The following IFT140 variants were observed in gnomAD, a reference collection of about 807,000 sequenced individuals.
IFT140 encodes the protein intraflagellar transport protein 140 homolog.
Under a neutral mutation model 164.6 loss-of-function variants are expected in IFT140, and 133 were observed. The ratio of observed to expected loss-of-function variants is 0.81; its 90% CI spans 0.70 to 0.93. The LOEUF (loss-of-function observed/expected upper bound fraction) is 0.93, where lower values mean the gene tolerates loss of function less well. IFT140 is among the 40% of genes least tolerant of loss of function. IFT140 has a pLI of 0.00. For synonymous variants in IFT140, 860 were observed against 817.3 expected (o/e 1.05, Z -0.89); for missense variants, 2,045 against 1,972.3 (o/e 1.04, Z -0.70).
At chr16:1,563,961 G>A (rs747018771) in intron 17 of IFT140, 36 bp downstream of exon 17, 2 of 1,516,972 alleles carry the variant, frequency 1.3e-6, no homozygotes, top group Admixed American at 3.8e-5. Flanking sequence ...TGGCCACTGA[G>A]TGTGTCTAAA....
In IFT140 at chr16:1,554,665, C is replaced by A. The variant is rs2032944874; in HGVS notation, c.2399+3270G>T. The A allele has an allele frequency of 6.3e-6, 9 of 1,435,498 alleles. No individual in the cohort carries two copies. In the South Asian group the frequency reaches 1.2e-4, roughly 19 times the overall value. The allele number at this position is 1,435,498 out of a possible 1,614,324, so 88.9% of individuals were successfully genotyped here. A position where few individuals can be genotyped will look rare whatever the true frequency, so the allele number is the denominator to read the frequency against. On this transcript the variant is annotated intron_variant, in intron 19 of 30. Transcript: ENST00000426508. ...AAGCAGGCTGGAACCCGCTCTAGGA[C>A]AGAGGGCTGGGGAAGGATAAAGCAG...
In IFT140 at chr16:1,592,755, C is replaced by T. The variant is rs144981759; in HGVS notation, c.370-167G>A. Among the ~76,000 whole-genome samples the T allele has an allele frequency of 9.6e-3, 1,194 of 125,016 alleles. 19 individuals are homozygous for T. Among genetic ancestry groups the T allele is most frequent in the African/African-American group, 0.034 (1,109 of 33,100 alleles). The allele number at this position is 125,016 out of a possible 152,430, so 82.0% of individuals were successfully genotyped here. A position where few individuals can be genotyped will look rare whatever the true frequency, so the allele number is the denominator to read the frequency against. On this transcript the variant is annotated intron_variant, in intron 4 of 30. Transcript: ENST00000426508. The stretch of plus-strand genomic sequence containing the variant: ...GTGACTGGTGGAGGGACAGGTGTCC[C>T]GGCAGAGTGACTGGTGGAGGGACAG...
rs74480393 is a variant in IFT140, at chr16:1,520,549, C to T, written c.3660+53G>A. On this transcript the variant is annotated intron_variant, in intron 27 of 30. Transcript: ENST00000426508. ...CAAATGGAGATGCGTGCAGGGGGCC[C>T]GCAGCCTAACTGCCTGTGAGGTAGC... 4.0e-3 allele frequency: 6,053 copies of T among 1,510,940 alleles called. 15 individuals are homozygous for T. Among genetic ancestry groups the T allele is most frequent in the Middle Eastern group, 0.011 (51 of 4,466 alleles). 93.6% of individuals were successfully genotyped at this position (1,510,940 alleles called of 1,614,324 possible).
chr16:1,554,039 C>T, intron 19 of IFT140: 1 of 1,287,176 alleles, frequency 7.8e-7, no homozygotes, highest in Non-Finnish European at 1.0e-6. Context: ...TGGTTTCAGG[C>T]TCTGGAAAGA....
chr16:1,583,192 G>T, intron 12 of IFT140, 122 bp downstream of exon 12: 1 of 851,924 alleles, frequency 1.2e-6, no homozygotes, highest in Non-Finnish European at 2.0e-6. Flanking sequence ...GCAGGCAGTA[G>T]CACAAGGGTC....
chr16:1,602,631 G>A lies in IFT140; in HGVS notation c.148-40C>T, dbSNP rs1257383188. 14 of 1,574,730 alleles carry A rather than the reference G, an allele frequency of 8.9e-6. No homozygotes were observed. The Admixed American group carries it at 1.2e-4, about 13-fold the overall frequency. ...AGGCAAATTCCCACAGTTCAGAGAG[G>A]GACAGCTACTTTTAAGAACTTCTGT... On this transcript the variant is annotated intron_variant, in intron 3 of 30. Transcript: ENST00000426508.
At position 1,526,660 on chromosome 16, in the gene IFT140, C is replaced by T. The variant is rs896477215; in HGVS notation, c.2536G>A (p.Glu846Lys). ...GTGGCCAGCACGGCCACGCGGGCCT[C>T]TAGCTCCGGCTCCTGCTCCGCCTCA... ...LREAEQEPEL[E>K]ARVAVLATQL... Residue 846 changes from glutamate (E) to lysine (K), a missense_variant, in exon 20 of 31, where the codon GAG becomes AAG. By Grantham distance (56) the Glu-to-Lys change is moderately conservative (BLOSUM62 1). Transcript: ENST00000426508. The T allele has an allele frequency of 6.3e-7, 1 of 1,594,756 alleles. No homozygotes were observed. Among genetic ancestry groups the T allele is most frequent in the Non-Finnish European group, 8.5e-7 (1 of 1,175,038 alleles).
Position 1,511,168 on chromosome 16 carries a change from A to C in IFT140, c.4183-18T>G. ...CTGTAGGCCTGGGGCAGAGGAGCAG[A>C]CATTACTCAGCTTTCCTGAACAACC... On this transcript the variant is annotated intron_variant, in intron 30 of 30. Coordinates refer to ENST00000426508, the MANE Select transcript of IFT140 (RefSeq NM_014714.4). 6.3e-7 allele frequency: 1 copy of C among 1,586,758 alleles called. No individual in the cohort carries two copies. Among genetic ancestry groups the C allele is most frequent in the South Asian group, 1.1e-5 (1 of 87,044 alleles).
chr16:1,514,376 A>G (rs2040283239), intron 30 of IFT140: 1 of 151,734 alleles, frequency 6.6e-6, no homozygotes, highest in Admixed American at 6.6e-5. Flanking sequence ...TCTCAAATAA[A>G]TAAATAAATA....
chr16:1,603,655 G>T (rs2035905814), intron 3 of IFT140, among the ~76,000 whole-genome samples: 1 of 152,108 alleles, frequency 6.6e-6, no homozygotes, highest in East Asian at 1.9e-4. Context: ...GCTAATTTTT[G>T]TATTTTTAGT....
At chr16:1,545,271 C>T (rs1386748227) in intron 19 of IFT140, among the ~76,000 whole-genome samples, 2 of 151,966 alleles carry the variant, frequency 1.3e-5, no homozygotes, top group Non-Finnish European at 2.9e-5. Context: ...TGTTCAACAA[C>T]CGCCAGAACG....
At chr16:1,603,890 C>G (rs1429914120) in intron 3 of IFT140, among the ~76,000 whole-genome samples, 1 of 152,188 alleles carries the variant, frequency 6.6e-6, no homozygotes, top group Non-Finnish European at 1.5e-5. Context: ...GGCTTAGGAG[C>G]CATCTTCTGT....
At chr16:1,514,286 C>T (rs966917155) in intron 30 of IFT140, 2 of 152,090 alleles carry the variant, frequency 1.3e-5, no homozygotes, top group African/African-American at 2.4e-5. Flanking sequence ...AGGAGAATGG[C>T]ATGAACCAGG....
Position 1,562,140 on chromosome 16 carries a change from T to C in IFT140, c.2068-24A>G, listed in dbSNP as rs779605782. On this transcript the variant is annotated intron_variant, in intron 17 of 30. Transcript: ENST00000426508. The stretch of plus-strand genomic sequence containing the variant: ...GCCTGGGAGAGAAAGAAAAGTACTG[T>C]TCTGTTTTTTTTTTTAACTTACATA... The C allele has an allele frequency of 5.2e-6, 8 of 1,546,430 alleles. No homozygotes were observed. In the Admixed American group the frequency reaches 6.3e-5, roughly 12 times the overall value.
rs775236964 is a variant in IFT140, at chr16:1,525,969, C to A, written c.2686G>T (p.Asp896Tyr). The change falls in exon 21 of 31, where the codon GAT becomes TAT. Residue 896 changes from aspartate (D) to tyrosine (Y), a missense_variant. Transcript: ENST00000426508. ...QEALQVAEHHDRVHLRSTYHR... is the reference protein window; with the variant it reads ...QEALQVAEHHYRVHLRSTYHR... ...TAGGTGCTGCGCAGGTGCACGCGATCGTGGTGCTCGGCTACCTGGAGGGCC... is the reference window on the plus strand; with the variant it reads ...TAGGTGCTGCGCAGGTGCACGCGATAGTGGTGCTCGGCTACCTGGAGGGCC... The A allele has an allele frequency of 6.3e-7, 1 of 1,588,910 alleles. No homozygotes were observed. The highest frequency in any genetic ancestry group is 2.3e-5 in the East Asian group (1 of 43,426).
chr16:1,596,428 C>T (rs1389387429), intron 4 of IFT140, among the ~76,000 whole-genome samples: 1 of 152,226 alleles, frequency 6.6e-6, no homozygotes, highest in African/African-American at 2.4e-5. Context: ...GCATTCTCAA[C>T]ATCATCAGAC....
chr16:1,608,075 G>A (rs551582415), intron 2 of IFT140, among the ~76,000 whole-genome samples: 43 of 149,438 alleles, frequency 2.9e-4, no homozygotes, highest in Non-Finnish European at 5.0e-4. Context: ...CTCACAGGTG[G>A]TAGAAGACAG....
At chr16:1,583,203 TC>T in intron 12 of IFT140, 110 bp downstream of exon 12, 1 of 936,666 alleles carries the variant, frequency 1.1e-6, no homozygotes. Context: ...CACAAGGGTC[TC>T]CCCAGCCCCT....
chr16:1,526,747 G>A lies in IFT140; in HGVS notation c.2449C>T (p.Leu817=). The change falls in exon 20 of 31, where the codon CTG becomes TTG. Residue 817 remains leucine, a synonymous_variant. Coordinates refer to ENST00000426508, the MANE Select transcript of IFT140 (RefSeq NM_014714.4). ...CCCAGGCACACCTTGGCCACGTCCA[G>A]CCGCTGGGTCTTCACGCACATGCGC... is the stretch of plus-strand genomic sequence containing the variant. ...MARMCVKTQR[L]DVAKVCLGNM... 6.2e-7 allele frequency: 1 copy of A among 1,610,078 alleles called. No individual in the cohort carries two copies. The highest frequency in any genetic ancestry group is 8.5e-7 in the Non-Finnish European group (1 of 1,179,076).
Sources: gnomAD v4.1 joint callset for allele counts (sites outside exome capture counted in the v4.1 genomes callset) on GRCh38, gnomAD v4.1.1 for gene constraint, MANE v1.5 for transcripts, NCBI Gene and HGNC (gene_info 2026-07-23, HGNC 2026-07-21) for gene names.